HEXB: variants seen among roughly 807,000 people sequenced by gnomAD.
HEXB encodes hexosaminidase subunit beta, also known as beta-hexosaminidase subunit beta.
In HEXB, 51 loss-of-function variants were observed where a neutral mutation model predicts 71.2. That is an observed-to-expected ratio of 0.72 (90% CI 0.57 to 0.90). The LOEUF is 0.90. Ranked by LOEUF, HEXB falls within the 40% of genes least tolerant of loss-of-function variation. HEXB has a pLI of 0.00. For synonymous variants in HEXB, 266 were observed against 249.3 expected (o/e 1.07, Z -0.63); for missense variants, 617 against 677.0 (o/e 0.91, Z 0.98).
intron 5 of HEXB, among the ~76,000 whole-genome samples, chr5:74,704,692 C>T (rs897040997): frequency 4.6e-5 from 7 of 152,262 alleles, no homozygotes; most frequent in South Asian, 4.1e-4. Flanking sequence ...TACAACTCAC[C>T]GTCTAGAATA....
chr5:74,698,697 T>TA (rs1749177334), intron 5 of HEXB, among the ~76,000 whole-genome samples: 1 of 152,072 alleles, frequency 6.6e-6, no homozygotes. Flanking sequence ...GCCTAAAAAT[T>TA]ATTTTTACAT....
Position 74,720,635 on chromosome 5 carries a change from A to G in HEXB, c.1509-8A>G. 6.2e-7 allele frequency: 1 copy of G among 1,613,798 alleles called. No homozygotes were observed. The highest frequency in any genetic ancestry group is 8.5e-7 in the Non-Finnish European group (1 of 1,179,680). On this transcript the variant is annotated splice_polypyrimidine_tract_variant and splice_region_variant and intron_variant, in intron 12 of 13. Transcript: ENST00000261416. ...TGCTTGCGGGGGGATGTGTGATTTA[A>G]ATTTTAGGCCTCGGGCAAGTGCTGT...
intron 1 of HEXB, among the ~76,000 whole-genome samples, chr5:74,667,126 A>G (rs1212105371): frequency 6.6e-6 from 1 of 152,090 alleles, no homozygotes; most frequent in Non-Finnish European, 1.5e-5. Context: ...TTAATTTAAA[A>G]ATTATTGGCC....
At chr5:74,685,104 C>A, upstream of HEXB, 1 of 782,452 alleles carries the variant, frequency 1.3e-6, no homozygotes, top group Non-Finnish European at 1.9e-6. Flanking sequence ...TGGGCGAGGA[C>A]GCTCCCGGGG....
upstream of HEXB, among the ~76,000 whole-genome samples, chr5:74,684,446 G>A (rs1025000566): frequency 1.3e-5 from 2 of 152,212 alleles, no homozygotes. Flanking sequence ...GACCACAGCT[G>A]AAGTGCTGTT....
intron 8 of HEXB, among the ~76,000 whole-genome samples, chr5:74,716,075 T>G (rs1450420862): frequency 1.4e-5 from 2 of 145,538 alleles, no homozygotes; most frequent in Non-Finnish European, 3.0e-5. Flanking sequence ...GAAGTAGCTG[T>G]AGAGGGCTCC....
intron 1 of HEXB, among the ~76,000 whole-genome samples, chr5:74,675,684 T>C (rs980413128): frequency 2.1e-4 from 32 of 152,306 alleles, no homozygotes; most frequent in Admixed American, 2.1e-3. Context: ...CTATATTTTA[T>C]TCTAAAGACA....
At position 74,715,611 on chromosome 5, in the gene HEXB, A is replaced by G. The variant is rs1749650871; in HGVS notation, c.1003A>G (p.Thr335Ala). The G allele has an allele frequency of 6.2e-7, 1 of 1,609,760 alleles. No homozygotes were observed. The highest frequency in any genetic ancestry group is 1.7e-5 in the Admixed American group (1 of 59,986). ...TLNTTYSFLTTFFKEISEVFP... is the reference protein window; with the variant it reads ...TLNTTYSFLTAFFKEISEVFP... ...GAATACAACATACAGCTTCCTTACTACATTTTTCAAAGAAATTAGTGAGGT... is the reference window on the plus strand; with the variant it reads ...GAATACAACATACAGCTTCCTTACTGCATTTTTCAAAGAAATTAGTGAGGT... The change falls in exon 8 of 14, where the codon ACA (threonine) becomes GCA (alanine). Residue 335 changes from threonine (T) to alanine (A), a missense_variant. Transcript: ENST00000261416.
chr5:74,704,945 A>T lies in HEXB; in HGVS notation c.670-274A>T, dbSNP rs112759004. Among the ~76,000 whole-genome samples, 3,634 of 152,162 alleles carry T rather than the reference A, an allele frequency of 0.024. 146 individuals are homozygous for T. The highest frequency in any genetic ancestry group is 0.083 in the African/African-American group (3,463 of 41,478). On this transcript the variant is annotated intron_variant, in intron 5 of 13. Coordinates refer to ENST00000261416, the MANE Select transcript of HEXB (RefSeq NM_000521.4). The stretch of plus-strand genomic sequence containing the variant: ...TGTTTCGACAAAAAATACAAAAATT[A>T]CCTGGGCATGGTAGTGGGCGCCTGT...
chr5:74,705,874 G>T (rs73114767), intron 6 of HEXB: 3,639 of 158,260 alleles, frequency 0.023, 143 homozygotes, highest in African/African-American at 0.083. Context: ...GACATCCAGA[G>T]AAATGATGTG....
chr5:74,656,289 G>A (rs989025801), intron 1 of HEXB, among the ~76,000 whole-genome samples: 73 of 151,976 alleles, frequency 4.8e-4, no homozygotes, highest in Non-Finnish European at 7.1e-4. Context: ...GACCAGCCTG[G>A]CCAACATGGT....
chr5:74,647,507 A>T (rs188996608), intron 1 of HEXB, among the ~76,000 whole-genome samples: 1 of 152,258 alleles, frequency 6.6e-6, no homozygotes, highest in South Asian at 2.1e-4. Context: ...GAATGAAGAA[A>T]GAGATAGAGA....
Position 74,652,073 on chromosome 5 carries a change from C to G in HEXB, c.-377+11515C>G, listed in dbSNP as rs1163966836. Reference sequence around the variant, plus strand: ...GCATTCTTTTGCTTGGTCTAATACTCAACTCTGGCATGAGATGTCTACGTG... The same window carrying G: ...GCATTCTTTTGCTTGGTCTAATACTGAACTCTGGCATGAGATGTCTACGTG... On this transcript the variant is annotated intron_variant, in intron 1 of 13. Coordinates refer to the HEXB transcript ENST00000511181. This position sits in a 1 kb window ranked among gnomAD's most constrained non-coding sequence, Gnocchi z 5.4. 6.6e-6 allele frequency among the ~76,000 whole-genome samples: 1 copy of G among 152,192 alleles called. No individual in the cohort carries two copies. Among genetic ancestry groups the G allele is most frequent in the Admixed American group, 6.5e-5 (1 of 15,280 alleles).
rs1748146281 is a variant in HEXB, at chr5:74,652,857, A to G, written c.-377+12299A>G. On this transcript the variant is annotated intron_variant, in intron 1 of 13. Transcript: ENST00000511181. This position sits in a 1 kb window ranked among gnomAD's most constrained non-coding sequence, Gnocchi z 5.4. ...GCCCATCCCATAAGGAGCAAGGGGG[A>G]AAAGCCTCCCTCTTGGGCGACTACA... is the stretch of plus-strand genomic sequence containing the variant. Among the ~76,000 whole-genome samples the G allele has an allele frequency of 1.3e-5, 2 of 152,120 alleles. No homozygotes were observed. Among genetic ancestry groups the G allele is most frequent in the Non-Finnish European group, 2.9e-5 (2 of 68,016 alleles).
chr5:74,714,087 G>A (rs900644392), intron 7 of HEXB, among the ~76,000 whole-genome samples: 13 of 152,138 alleles, frequency 8.5e-5, no homozygotes, highest in Non-Finnish European at 1.6e-4. Context: ...GGCCCGCCTC[G>A]GCCTCCCAAA....
chr5:74,646,468 A>C (rs572937490), intron 1 of HEXB, among the ~76,000 whole-genome samples: 13 of 152,164 alleles, frequency 8.5e-5, no homozygotes, highest in Non-Finnish European at 1.5e-4. Flanking sequence ...GCTCAGATTC[A>C]TGGAGTCTGC....
Position 74,658,666 on chromosome 5 carries a change from G to A in HEXB, c.-377+18108G>A, listed in dbSNP as rs143891413. 4.1e-4 allele frequency among the ~76,000 whole-genome samples: 63 copies of A among 152,188 alleles called. 2 individuals are homozygous for A. The East Asian group carries it at 9.5e-3, about 23-fold the overall frequency. ...TATCCCTTATGTATTATCACTCTTG[G>A]GTACCAGGGAAATAATGTGTCCTAG... is the stretch of plus-strand genomic sequence containing the variant. On this transcript the variant is annotated intron_variant, in intron 1 of 13. Transcript: ENST00000511181.
At chr5:74,665,732 G>A (rs946110321) in intron 1 of HEXB, among the ~76,000 whole-genome samples, 2 of 152,174 alleles carry the variant, frequency 1.3e-5, no homozygotes, top group Non-Finnish European at 2.9e-5. Flanking sequence ...AATTCACTAG[G>A]AGAGAAGGGA....
At chr5:74,643,392 G>A (rs1747943342) in intron 1 of HEXB, among the ~76,000 whole-genome samples, 1 of 152,170 alleles carries the variant, frequency 6.6e-6, no homozygotes, top group Non-Finnish European at 1.5e-5. Flanking sequence ...ATCAAAACTG[G>A]ACGACCATAG....
Sources: gnomAD v4.1 joint callset for allele counts (sites outside exome capture counted in the v4.1 genomes callset) on GRCh38, gnomAD v4.1.1 for gene constraint, Gnocchi (gnomAD v3.1) non-coding constraint, MANE v1.5 for transcripts, NCBI Gene and HGNC (gene_info 2026-07-23, HGNC 2026-07-21) for gene names.